DGKD: variants seen among roughly 807,000 people sequenced by gnomAD.
The protein encoded by DGKD is diacylglycerol kinase delta.
DGKD carries 68 observed loss-of-function variants against 154.4 expected under a neutral mutation model. That is an observed-to-expected ratio of 0.44 (90% confidence interval 0.36 to 0.54). The LOEUF (loss-of-function observed/expected upper bound fraction) is 0.54. DGKD is among the 20% of genes least tolerant of loss of function. DGKD has a pLI of 0.00. For synonymous variants in DGKD, 693 were observed against 638.0 expected (o/e 1.09, Z -1.30); for missense variants, 1,343 against 1,593.6 (o/e 0.84, Z 2.68).
rs1167589378 is a variant in DGKD at position 233,450,050 on chromosome 2, G to A, written c.1957G>A (p.Glu653Lys). The A allele has an allele frequency of 9.3e-6, 15 of 1,612,124 alleles. No homozygotes were observed. The highest frequency in any genetic ancestry group is 1.2e-5 in the Non-Finnish European group (14 of 1,179,962). ...CGTCCTGGGCCTCTCTGAGTCAGAG[G>A]AGAAGATGGACCACAGAGTGTGCCC... ...GFVLGLSESE[E>K]KMDHRVCPPL... The change falls in exon 16 of 30, where the codon GAG becomes AAG. Residue 653 changes from glutamate (E) to lysine (K), a missense_variant. Physicochemically the swap from Glu to Lys is moderately conservative, Grantham distance 56. Around this residue, in one of 6 missense-constraint regions of DGKD, gnomAD observed 409 missense variants for 446.0 expected, o/e 0.92. Coordinates refer to ENST00000264057, the MANE Select transcript of DGKD (RefSeq NM_152879.3).
chr2:233,469,691 C>G lies in DGKD; in HGVS notation c.*231C>G, dbSNP rs2063948426. ...CAACACAGCTACCTTTGAAACAACA[C>G]TTTCTCCAGCTCAGAGTCACCTGGG... On this transcript the variant is annotated 3_prime_UTR_variant, in exon 30 of 30. Coordinates refer to ENST00000264057, the MANE Select transcript of DGKD (RefSeq NM_152879.3). 3.7e-6 allele frequency: 2 copies of G among 542,568 alleles called. No individual in the cohort carries two copies. Among genetic ancestry groups the G allele is most frequent in the Non-Finnish European group, 6.6e-6 (2 of 302,126 alleles). The allele number at this position is 542,568 out of a possible 1,614,324, so 33.6% of individuals were successfully genotyped here.
intron 3 of DGKD, among the ~76,000 whole-genome samples, chr2:233,408,174 C>G (rs1202098557): frequency 1.3e-5 from 2 of 150,910 alleles, no homozygotes; most frequent in African/African-American, 2.5e-5. Flanking sequence ...TCCCAAGTAG[C>G]TGGGACTACA....
In DGKD at chr2:233,459,679, T is replaced by C; in HGVS notation, c.2695-78T>C. 2.6e-6 allele frequency: 4 copies of C among 1,551,150 alleles called. No individual in the cohort carries two copies. Among genetic ancestry groups the C allele is most frequent in the Non-Finnish European group, 3.5e-6 (4 of 1,146,486 alleles). On this transcript the variant is annotated intron_variant, in intron 22 of 29. Coordinates refer to ENST00000264057, the MANE Select transcript of DGKD (RefSeq NM_152879.3). The surrounding 1 kb of genome is among the most constrained non-coding windows in gnomAD (Gnocchi z 5.7). ...GGGACGGGTGTGTGGAGCAGGAAGG[T>C]CATGGTGGTGCTGATAGCACTTTTA...
chr2:233,401,517 A>G (rs939537514), intron 3 of DGKD, among the ~76,000 whole-genome samples: 2 of 152,178 alleles, frequency 1.3e-5, no homozygotes, highest in African/African-American at 4.8e-5. Flanking sequence ...TCCCTGGGTC[A>G]TGGCAACTGT....
chr2:233,394,690 C>CTTT (rs1703879704), intron 3 of DGKD, among the ~76,000 whole-genome samples: 985 of 83,058 alleles, frequency 0.012, 77 homozygotes, highest in Non-Finnish European at 0.014. Context: ...AATTTAATTC[C>CTTT]CTTTTTTTTT....
At chr2:233,386,590 C>T (rs1442966044) in intron 1 of DGKD, among the ~76,000 whole-genome samples, 4 of 152,210 alleles carry the variant, frequency 2.6e-5, no homozygotes, top group Middle Eastern at 6.8e-3. Flanking sequence ...GGCAAACAAG[C>T]GTCATCAGAA....
chr2:233,446,649 G>A (rs557426978), intron 11 of DGKD, 63 bp from the exon 12 acceptor site: 67 of 1,550,666 alleles, frequency 4.3e-5, no homozygotes, highest in African/African-American at 2.4e-4. Context: ...AGCGGACGGC[G>A]CAGGGTTCAC....
At chr2:233,447,749 C>T (rs1007841419) in intron 12 of DGKD, 57 of 1,110,376 alleles carry the variant, frequency 5.1e-5, no homozygotes, top group Non-Finnish European at 6.1e-5. Context: ...CGGACCCAAA[C>T]CTGGAGCCGA....
rs753714159 is a variant in DGKD at position 233,457,176 on chromosome 2, C to T, written c.2473-45C>T. On this transcript the variant is annotated intron_variant, in intron 20 of 29. Coordinates refer to ENST00000264057, the MANE Select transcript of DGKD (RefSeq NM_152879.3). This position sits in a 1 kb window ranked among gnomAD's most constrained non-coding sequence, Gnocchi z 5.5. The stretch of plus-strand genomic sequence containing the variant: ...AAGCTGGTAGAGAAGGAGGGGCTGA[C>T]TCATACCTTTCTCTTTTCTTTTGTT... 6.9e-7 allele frequency: 1 copy of T among 1,453,330 alleles called. No individual in the cohort carries two copies. The allele number at this position is 1,453,330 out of a possible 1,614,324, so 90.0% of individuals were successfully genotyped here.
intron 3 of DGKD, among the ~76,000 whole-genome samples, chr2:233,395,354 G>C (rs1703936756): frequency 6.6e-6 from 1 of 151,940 alleles, no homozygotes; most frequent in South Asian, 2.1e-4. Context: ...TTTTTTTGTA[G>C]AGAAGGAGTT....
intron 5 of DGKD, among the ~76,000 whole-genome samples, chr2:233,435,198 T>G (rs935775988): frequency 1.3e-5 from 2 of 152,214 alleles, no homozygotes; most frequent in Admixed American, 6.5e-5. Context: ...TCGGCCCCTG[T>G]GTCTCACACT....
intron 10 of DGKD, among the ~76,000 whole-genome samples, chr2:233,444,716 G>GGTGAGGCA (rs2063007912): frequency 6.7e-6 from 1 of 150,022 alleles, no homozygotes; most frequent in South Asian, 2.2e-4. Flanking sequence ...ATGTCCCCTT[G>GGTGAGGCA]GTGAGGCAGG....
chr2:233,428,027 C>T (rs1261704557), intron 3 of DGKD, among the ~76,000 whole-genome samples: 1 of 152,194 alleles, frequency 6.6e-6, no homozygotes, highest in Non-Finnish European at 1.5e-5. Flanking sequence ...ATAGGAAGTG[C>T]TGCTCAGAAC....
intron 1 of DGKD, among the ~76,000 whole-genome samples, chr2:233,377,207 C>T (rs58373601): frequency 0.22 from 32,888 of 151,490 alleles, 4,174 homozygotes; most frequent in African/African-American, 0.36. Context: ...TTCAGCCTCC[C>T]GAGTAGCTGT....
chr2:233,402,381 C>G (rs972457292), intron 3 of DGKD, among the ~76,000 whole-genome samples: 3 of 152,216 alleles, frequency 2.0e-5, no homozygotes, highest in African/African-American at 4.8e-5. Flanking sequence ...TTAGCACAAG[C>G]TCCCTAGTAA....
At chr2:233,371,791 C>G (rs1334153263) in intron 1 of DGKD, among the ~76,000 whole-genome samples, 1 of 152,168 alleles carries the variant, frequency 6.6e-6, no homozygotes, top group Non-Finnish European at 1.5e-5. Flanking sequence ...TGAAGAGGAG[C>G]GCTCTCCAGT....
At chr2:233,389,161 A>C (rs1703407304) in intron 2 of DGKD, among the ~76,000 whole-genome samples, 1 of 152,238 alleles carries the variant, frequency 6.6e-6, no homozygotes, top group Non-Finnish European at 1.5e-5. Flanking sequence ...CACTGTGCCC[A>C]GCCAAAGTAG....
chr2:233,379,414 C>G (rs958309694), intron 1 of DGKD, among the ~76,000 whole-genome samples: 1 of 152,080 alleles, frequency 6.6e-6, no homozygotes, highest in Non-Finnish European at 1.5e-5. Context: ...GGGAGGAGCC[C>G]GGTGGGCCAC....
At chr2:233,375,577 T>C (rs1702532062) in intron 1 of DGKD, among the ~76,000 whole-genome samples, 1 of 152,162 alleles carries the variant, frequency 6.6e-6, no homozygotes, top group Admixed American at 6.5e-5. Context: ...TGCTTTTCTG[T>C]TTGGTGCCTT....
Sources: allele counts gnomAD v4.1 joint callset (sites outside exome capture counted in the v4.1 genomes callset), GRCh38; gene constraint gnomAD v4.1.1; regional missense constraint gnomAD v4.1.1; non-coding constraint Gnocchi (gnomAD v3.1); transcripts MANE v1.5; gene names NCBI Gene and HGNC (gene_info 2026-07-23, HGNC 2026-07-21).